Variants in PCDHA12 observed in about 807,000 individuals in gnomAD.
The protein encoded by PCDHA12 is protocadherin alpha-12.
In PCDHA12, 44 loss-of-function variants were observed where a neutral mutation model predicts 60.0. The observed-to-expected ratio is 0.73, with a 90% CI of 0.58 to 0.94. PCDHA12 has a LOEUF of 0.94. PCDHA12 is among the 40% of genes least tolerant of loss of function. PCDHA12 has a pLI of 0.00. For synonymous variants in PCDHA12, 569 were observed against 553.0 expected (o/e 1.03, Z -0.40); for missense variants, 1,276 against 1,239.7 (o/e 1.03, Z -0.44).
intron 2 of PCDHA12, among the ~76,000 whole-genome samples, chr5:140,980,947 G>T (rs1430215851): frequency 6.6e-6 from 1 of 152,032 alleles, no homozygotes; most frequent in Non-Finnish European, 1.5e-5. Context: ...GCTGGCTCCA[G>T]GATAGTTACA....
chr5:141,006,680 G>A (rs1449792614), intron 3 of PCDHA12, among the ~76,000 whole-genome samples: 5 of 152,036 alleles, frequency 3.3e-5, no homozygotes, highest in African/African-American at 1.2e-4. Flanking sequence ...AGTGAAAATT[G>A]GGAGAAGAGG....
Position 140,998,756 on chromosome 5 carries a change from G to A in PCDHA12, c.2516-10871G>A, listed in dbSNP as rs78235138. Among the ~76,000 whole-genome samples, 197 of 152,232 alleles carry A rather than the reference G, an allele frequency of 1.3e-3. 4 individuals carry two copies. In the East Asian group the frequency reaches 0.035, roughly 27 times the overall value. On this transcript the variant is annotated intron_variant, in intron 3 of 3. Coordinates refer to ENST00000398631, the MANE Select transcript of PCDHA12 (RefSeq NM_018903.4). Reference sequence around the variant, plus strand: ...ATTTTGTATTTTTAGAAGAGACACAGTTTCACTATGTTGGTCAGGCTGGTC... The same window carrying A: ...ATTTTGTATTTTTAGAAGAGACACAATTTCACTATGTTGGTCAGGCTGGTC...
intron 1 of PCDHA12, among the ~76,000 whole-genome samples, chr5:140,920,731 C>G (rs2079790420): frequency 6.6e-6 from 1 of 151,924 alleles, no homozygotes; most frequent in African/African-American, 2.4e-5. Flanking sequence ...GCAGTCCCAG[C>G]TACTCAGGAG....
chr5:140,887,540 C>T (rs1039020160), intron 1 of PCDHA12, among the ~76,000 whole-genome samples: 1 of 152,100 alleles, frequency 6.6e-6, no homozygotes. Flanking sequence ...CTCTCCCCAC[C>T]CCTCATGGTT....
At chr5:141,009,271 A>G (rs1420991909) in intron 3 of PCDHA12, among the ~76,000 whole-genome samples, 15 of 152,156 alleles carry the variant, frequency 9.9e-5, no homozygotes, top group Admixed American at 6.5e-4. Context: ...CCTGGGCAAC[A>G]TAGTGAGATC....
At chr5:141,005,558 C>T (rs367751568) in intron 3 of PCDHA12, among the ~76,000 whole-genome samples, 1 of 151,122 alleles carries the variant, frequency 6.6e-6, no homozygotes, top group Non-Finnish European at 1.5e-5. Context: ...AAAAATTAGC[C>T]GGGCATGGTG....
Position 140,917,329 on chromosome 5 carries a change from G to GT in PCDHA12, c.2367+39490_2367+39491insT, listed in dbSNP as rs1563018868. On this transcript the variant is annotated intron_variant, in intron 1 of 3. Coordinates refer to ENST00000398631, the MANE Select transcript of PCDHA12 (RefSeq NM_018903.4). ...ACAATTTGGTGTTCATGTGGCGGGG[G>GT]AGGGGGGGGATGGTGTAGGCTTCTG... is the stretch of plus-strand genomic sequence containing the variant. 5.6e-5 allele frequency among the ~76,000 whole-genome samples: 8 copies of GT among 143,930 alleles called. 1 individual carries two copies. The highest frequency in any genetic ancestry group is 9.1e-5 in the Non-Finnish European group (6 of 65,842). The allele number at this position is 143,930 out of a possible 152,430, so 94.4% of individuals were successfully genotyped here.
chr5:140,885,936 T>G (rs994325798), intron 1 of PCDHA12, among the ~76,000 whole-genome samples: 5 of 152,198 alleles, frequency 3.3e-5, no homozygotes, highest in Admixed American at 6.5e-5. Context: ...ATCTATTTTT[T>G]GACATTTTTA....
intron 1 of PCDHA12, among the ~76,000 whole-genome samples, chr5:140,946,629 T>TATATATATATATATATATAC (rs1367833800): frequency 1.4e-4 from 17 of 123,272 alleles, no homozygotes; most frequent in African/African-American, 5.1e-4. Context: ...TATATATATA[T>TATATATATATATATATATAC]ATACAATGGA....
chr5:140,897,389 C>G (rs1212817070), intron 1 of PCDHA12, among the ~76,000 whole-genome samples: 1 of 139,546 alleles, frequency 7.2e-6, no homozygotes, highest in Non-Finnish European at 1.5e-5. Context: ...CTTCCTGTGT[C>G]CATGTGTTCT....
intron 1 of PCDHA12, among the ~76,000 whole-genome samples, chr5:140,899,650 T>C (rs1174353279): frequency 5.3e-5 from 8 of 152,192 alleles, no homozygotes; most frequent in African/African-American, 1.7e-4. Flanking sequence ...TCTTATTTGG[T>C]TGTGTCTCTG....
intron 3 of PCDHA12, among the ~76,000 whole-genome samples, chr5:140,992,482 G>A (rs1187706188): frequency 6.6e-6 from 1 of 152,164 alleles, no homozygotes; most frequent in Non-Finnish European, 1.5e-5. Flanking sequence ...TCACCCAGAG[G>A]CCAATCTGTA....
chr5:140,941,255 C>CTT (rs782490896), intron 1 of PCDHA12, among the ~76,000 whole-genome samples: 1,945 of 44,372 alleles, frequency 0.044, 20 homozygotes, highest in African/African-American at 0.075. Flanking sequence ...TTCTTTCTTT[C>CTT]TCTTTCTTTC....
At chr5:140,922,139 C>T (rs2080663133) in intron 1 of PCDHA12, among the ~76,000 whole-genome samples, 1 of 151,854 alleles carries the variant, frequency 6.6e-6, no homozygotes, top group South Asian at 2.1e-4. Flanking sequence ...TCTTATCCTC[C>T]ATGAAACTCA....
chr5:141,007,844 C>T (rs782712601), intron 3 of PCDHA12, among the ~76,000 whole-genome samples: 3 of 152,176 alleles, frequency 2.0e-5, no homozygotes, highest in Non-Finnish European at 4.4e-5. Context: ...ATTAGAGACT[C>T]AAAGTCCTTA....
At chr5:140,980,584 C>T (rs1447001293) in intron 2 of PCDHA12, among the ~76,000 whole-genome samples, 3 of 151,934 alleles carry the variant, frequency 2.0e-5, no homozygotes, top group Non-Finnish European at 4.4e-5. Context: ...GAGCCAAGAT[C>T]GAGCCACTGC....
At chr5:140,999,476 A>G (rs1209910607) in intron 3 of PCDHA12, among the ~76,000 whole-genome samples, 6 of 152,124 alleles carry the variant, frequency 3.9e-5, no homozygotes, top group African/African-American at 1.2e-4. Flanking sequence ...GCAGATTCCA[A>G]CTCAAGTCTA....
chr5:140,903,020 A>G lies in PCDHA12; in HGVS notation c.2367+25181A>G, dbSNP rs375776888. ...AATTGTGAATTGTGCTGCTATCAAC[A>G]TGGCTTGCACATGTGTCTTTTTCAT... On this transcript the variant is annotated intron_variant, in intron 1 of 3. Coordinates refer to ENST00000398631, the MANE Select transcript of PCDHA12 (RefSeq NM_018903.4). Among the ~76,000 whole-genome samples the G allele has an allele frequency of 2.4e-4, 36 of 152,312 alleles. No homozygotes were observed. In the East Asian group the frequency reaches 6.4e-3, roughly 27 times the overall value.
intron 1 of PCDHA12, among the ~76,000 whole-genome samples, chr5:140,881,880 C>G (rs1157311188): frequency 6.6e-6 from 1 of 152,210 alleles, no homozygotes; most frequent in Non-Finnish European, 1.5e-5. Flanking sequence ...AAATGAAACT[C>G]ATCAACCAAT....
Sources: gnomAD v4.1 joint callset for allele counts (sites outside exome capture counted in the v4.1 genomes callset) on GRCh38, gnomAD v4.1.1 for gene constraint, MANE v1.5 for transcripts, NCBI Gene and HGNC (gene_info 2026-07-23, HGNC 2026-07-21) for gene names.